FARS2: variants seen among roughly 807,000 people sequenced by gnomAD.
The protein encoded by FARS2 is phenylalanyl-tRNA synthetase 2, mitochondrial.
In FARS2, 40 loss-of-function variants were observed where a neutral mutation model predicts 46.4. The ratio of observed to expected loss-of-function variants is 0.86; its 90% CI spans 0.67 to 1.12. The LOEUF (loss-of-function observed/expected upper bound fraction) is 1.12, where lower values mean the gene tolerates loss of function less well. Among genes scored for constraint, FARS2 ranks in the 50% most tolerant of loss-of-function variants. The pLI, the probability that FARS2 is intolerant of heterozygous loss-of-function variation, is 0.00. For missense variants in FARS2, 513 were observed against 567.9 expected (o/e 0.90, Z 0.98); for synonymous variants, 234 against 214.9 (o/e 1.09, Z -0.78).
chr6:5,258,279 G>A (rs112581214), upstream of FARS2, among the ~76,000 whole-genome samples: 665 of 152,252 alleles, frequency 4.4e-3, 3 homozygotes, highest in African/African-American at 0.015. Flanking sequence ...AATTACTTAA[G>A]GCACAATTCG....
chr6:5,458,083 A>G (rs146616154), intron 4 of FARS2: 2 of 152,368 alleles, frequency 1.3e-5, no homozygotes, highest in African/African-American at 4.8e-5. Context: ...GAGGGACTCG[A>G]TCAGCTCCAG....
chr6:5,278,082 G>A (rs913061054), intron 1 of FARS2, among the ~76,000 whole-genome samples: 4 of 152,146 alleles, frequency 2.6e-5, no homozygotes, highest in African/African-American at 4.8e-5. Flanking sequence ...GACTGTTGAC[G>A]TTTTCAGTTA....
At chr6:5,696,686 A>G (rs1384445798) in intron 6 of FARS2, among the ~76,000 whole-genome samples, 3 of 152,234 alleles carry the variant, frequency 2.0e-5, no homozygotes, top group Non-Finnish European at 2.9e-5. Flanking sequence ...ATCATTAACA[A>G]TTATCTACTG....
At chr6:5,448,332 G>A (rs1468231273) in intron 4 of FARS2, among the ~76,000 whole-genome samples, 2 of 152,288 alleles carry the variant, frequency 1.3e-5, no homozygotes, top group Admixed American at 6.5e-5. Context: ...TGGGGTGTGA[G>A]TGTGCCTGTG....
chr6:5,717,935 T>TATATAGAGAGAGAGAGAGAGAG (rs546191530), intron 6 of FARS2, among the ~76,000 whole-genome samples: 2 of 135,630 alleles, frequency 1.5e-5, no homozygotes, highest in African/African-American at 6.1e-5. Context: ...TATATATATA[T>TATATAGAGAGAGAGAGAGAGAG]ACAGAGTCTC....
chr6:5,501,481 A>ATTTTATTTTAT (rs1212833447), intron 4 of FARS2, among the ~76,000 whole-genome samples: 1 of 151,554 alleles, frequency 6.6e-6, no homozygotes. Context: ...TCATTTTTTT[A>ATTTTATTTTAT]TTTTATTTTA....
intron 4 of FARS2, among the ~76,000 whole-genome samples, chr6:5,446,618 G>C (rs1029380350): frequency 3.3e-5 from 5 of 152,200 alleles, no homozygotes; most frequent in African/African-American, 1.2e-4. Flanking sequence ...ATAGTTCCCT[G>C]AGAGCTTGTG....
At chr6:5,769,012 T>G (rs1762887964) in intron 6 of FARS2, among the ~76,000 whole-genome samples, 1 of 152,252 alleles carries the variant, frequency 6.6e-6, no homozygotes, top group Non-Finnish European at 1.5e-5. Flanking sequence ...TTTTTAATTT[T>G]TTCACCTGTG....
At chr6:5,497,313 T>C (rs532222912) in intron 4 of FARS2, among the ~76,000 whole-genome samples, 5 of 152,068 alleles carry the variant, frequency 3.3e-5, no homozygotes, top group Non-Finnish European at 7.4e-5. Context: ...AACTAGTCCA[T>C]GTAGAGAAGG....
chr6:5,584,925 A>G (rs529206213), intron 5 of FARS2, among the ~76,000 whole-genome samples: 1 of 152,332 alleles, frequency 6.6e-6, no homozygotes, highest in Admixed American at 6.5e-5. Flanking sequence ...TCTGATCAGA[A>G]TAAGAATTAG....
intron 1 of FARS2, among the ~76,000 whole-genome samples, chr6:5,363,196 G>A (rs1048911995): frequency 6.6e-6 from 1 of 151,518 alleles, no homozygotes; most frequent in East Asian, 2.0e-4. Context: ...AAAGTGCTGG[G>A]ATTACAGGCA....
chr6:5,416,090 C>T (rs765587713), intron 3 of FARS2, among the ~76,000 whole-genome samples: 10 of 152,266 alleles, frequency 6.6e-5, no homozygotes, highest in Admixed American at 1.3e-4. Context: ...TATTTTCACT[C>T]AGTCTTTTCA....
the FARS2 span, among the ~76,000 whole-genome samples, chr6:5,255,524 G>A: frequency 1.2e-4 from 18 of 151,810 alleles, no homozygotes; most frequent in South Asian, 2.1e-4. Flanking sequence ...TATGATAAAT[G>A]CGTCCCACAT....
intron 6 of FARS2, among the ~76,000 whole-genome samples, chr6:5,641,650 A>G (rs1396421618): frequency 6.6e-6 from 1 of 152,222 alleles, no homozygotes; most frequent in Non-Finnish European, 1.5e-5. Context: ...CTGGATGCCA[A>G]GGGCAGGTAA....
chr6:5,323,683 G>A (rs1053655048), intron 1 of FARS2, among the ~76,000 whole-genome samples: 11 of 152,166 alleles, frequency 7.2e-5, no homozygotes, highest in African/African-American at 2.7e-4. Context: ...TGGGCCTGAG[G>A]GAAGAGCTGG....
At chr6:5,456,491 T>C (rs539818515) in intron 4 of FARS2, among the ~76,000 whole-genome samples, 1 of 150,874 alleles carries the variant, frequency 6.6e-6, no homozygotes, top group African/African-American at 2.4e-5. Flanking sequence ...CCCAACACTT[T>C]GGGAGGCCGA....
chr6:5,634,801 A>C (rs1776464380), intron 6 of FARS2, among the ~76,000 whole-genome samples: 1 of 152,202 alleles, frequency 6.6e-6, no homozygotes, highest in Non-Finnish European at 1.5e-5. Context: ...ACTGGAATGC[A>C]AAGCCTCTGT....
intron 6 of FARS2, among the ~76,000 whole-genome samples, chr6:5,628,486 G>A (rs764713683): frequency 1.8e-4 from 27 of 152,234 alleles, no homozygotes; most frequent in African/African-American, 6.5e-4. Flanking sequence ...GAGCCTCCAC[G>A]TTGGCAGAGT....
At chr6:5,668,327 T>C (rs1778249098) in intron 6 of FARS2, among the ~76,000 whole-genome samples, 1 of 152,212 alleles carries the variant, frequency 6.6e-6, no homozygotes, top group Admixed American at 6.5e-5. Context: ...CTTGTACTGT[T>C]GGACAGCAGC....
Sources: gnomAD v4.1 joint callset for allele counts (sites outside exome capture counted in the v4.1 genomes callset) on GRCh38, gnomAD v4.1.1 for gene constraint, MANE v1.5 for transcripts, NCBI Gene and HGNC (gene_info 2026-07-23, HGNC 2026-07-21) for gene names.